ABCD2: variants seen among roughly 807,000 people sequenced by gnomAD.
ABCD2 encodes the protein ATP-binding cassette sub-family D member 2.
A neutral mutation model predicts 70.9 loss-of-function variants in ABCD2; 36 were observed. The ratio of observed to expected loss-of-function variants is 0.51; its 90% confidence interval spans 0.39 to 0.67. The LOEUF (loss-of-function observed/expected upper bound fraction) is 0.67. Among genes scored for constraint, ABCD2 ranks in the 30% least tolerant of loss-of-function variants. The pLI, the probability that ABCD2 is intolerant of heterozygous loss-of-function variation, is 0.00. For synonymous variants in ABCD2, 304 were observed against 306.9 expected (o/e 0.99, Z 0.10); for missense variants, 729 against 890.2 (o/e 0.82, Z 2.30).
chr12:39,534,677 GGGAAGGAAGGAAGGAAGGAAGGACGGAA>G, the ABCD2 span, among the ~76,000 whole-genome samples: 1 of 80,728 alleles, frequency 1.2e-5, no homozygotes, highest in Non-Finnish European at 2.2e-5. Context: ...AAGAGAGAGA[GGGAAGGAAGGAAGGAAGGAAGGACGGAA>G]GGAAGGAAGG....
downstream of ABCD2, among the ~76,000 whole-genome samples, chr12:39,549,202 TA>T (rs1941055769): frequency 6.6e-6 from 1 of 151,956 alleles, no homozygotes; most frequent in African/African-American, 2.4e-5. Flanking sequence ...TAGCCCAAGT[TA>T]AAGATCATGA....
At chr12:39,569,559 A>T (rs11830391) in intron 9 of ABCD2, among the ~76,000 whole-genome samples, 11,664 of 151,364 alleles carry the variant, frequency 0.077, 1,527 homozygotes, top group African/African-American at 0.27. Flanking sequence ...GAATTCCCTG[A>T]CCCCTTGTGC....
chr12:39,573,702 C>T lies in ABCD2; in HGVS notation c.2003+14G>A. 2 of 1,596,530 alleles carry T rather than the reference C, an allele frequency of 1.3e-6. No homozygotes were observed. The highest frequency in any genetic ancestry group is 1.7e-6 in the Non-Finnish European group (2 of 1,173,270). ...AAAAACCATCTACCACAAATTAGCA[C>T]TAGAAACACTTACCAAAGAGAAGGT... On this transcript the variant is annotated intron_variant, in intron 9 of 9. Coordinates refer to ENST00000308666, the MANE Select transcript of ABCD2 (RefSeq NM_005164.4).
chr12:39,548,647 G>A (rs540583702), downstream of ABCD2, among the ~76,000 whole-genome samples: 11 of 151,412 alleles, frequency 7.3e-5, no homozygotes, highest in African/African-American at 2.2e-4. Flanking sequence ...TACATTTGTA[G>A]GTCCAATGCA....
chr12:39,549,234 G>A (rs756489887), downstream of ABCD2, among the ~76,000 whole-genome samples: 1 of 151,954 alleles, frequency 6.6e-6, no homozygotes. Context: ...GCCCAAAAGT[G>A]TATTATTGAG....
At chr12:39,562,497 AAG>A (rs1309033869) in intron 9 of ABCD2, among the ~76,000 whole-genome samples, 6 of 152,106 alleles carry the variant, frequency 3.9e-5, no homozygotes, top group African/African-American at 1.2e-4. Context: ...GAGATTAAAA[AAG>A]AGAAATTATA....
chr12:39,600,350 C>T (rs1781920733), intron 6 of ABCD2, among the ~76,000 whole-genome samples: 1 of 151,952 alleles, frequency 6.6e-6, no homozygotes, highest in Admixed American at 6.6e-5. Flanking sequence ...GTATTTATTC[C>T]ATCTAGACAG....
At chr12:39,617,471 T>G (rs571205890) in intron 1 of ABCD2, among the ~76,000 whole-genome samples, 87 of 152,238 alleles carry the variant, frequency 5.7e-4, no homozygotes, top group Admixed American at 9.2e-4. Flanking sequence ...ATTAGAGCTT[T>G]GTCCTTGTTG....
intron 2 of ABCD2, among the ~76,000 whole-genome samples, chr12:39,609,816 C>T (rs1159908332): frequency 2.0e-5 from 3 of 152,036 alleles, no homozygotes; most frequent in Non-Finnish European, 4.4e-5. Flanking sequence ...GATACCTGCA[C>T]AATATGAGGT....
Position 39,586,317 on chromosome 12 carries a change from C to T in ABCD2, c.1647-20G>A. ...TATGGCCTTTAAAACACCAAGCACA[C>T]AAGAATCCTAGTGGAAAGTCATGAT... On this transcript the variant is annotated intron_variant, in intron 6 of 9. Coordinates refer to ENST00000308666, the MANE Select transcript of ABCD2 (RefSeq NM_005164.4). The T allele has an allele frequency of 6.2e-7, 1 of 1,600,218 alleles. No individual in the cohort carries two copies. Among genetic ancestry groups the T allele is most frequent in the South Asian group, 1.1e-5 (1 of 88,190 alleles).
At chr12:39,617,294 A>G (rs1942129449) in intron 1 of ABCD2, 126 bp from the exon 2 acceptor site, 8 of 542,194 alleles carry the variant, frequency 1.5e-5, no homozygotes, top group Non-Finnish European at 2.3e-5. Context: ...AGTATTAGTT[A>G]TTATTTAGTT....
intron 2 of ABCD2, among the ~76,000 whole-genome samples, chr12:39,616,527 T>C (rs1942116688): frequency 6.6e-6 from 1 of 152,110 alleles, no homozygotes; most frequent in Non-Finnish European, 1.5e-5. Context: ...TGCTTGCCCA[T>C]TGTAGTCAAT....
the ABCD2 span, among the ~76,000 whole-genome samples, chr12:39,538,438 G>C: frequency 6.6e-6 from 1 of 152,126 alleles, no homozygotes; most frequent in African/African-American, 2.4e-5. Flanking sequence ...GCCTCCCAAA[G>C]TGCTGGGATT....
At chr12:39,579,260 G>T (rs1420818476) in intron 8 of ABCD2, among the ~76,000 whole-genome samples, 1 of 152,218 alleles carries the variant, frequency 6.6e-6, no homozygotes, top group African/African-American at 2.4e-5. Flanking sequence ...TACTTGGGAG[G>T]CTGAGACAGG....
At chr12:39,579,864 A>G (rs963005610) in intron 7 of ABCD2, among the ~76,000 whole-genome samples, 1 of 151,796 alleles carries the variant, frequency 6.6e-6, no homozygotes, top group Admixed American at 6.6e-5. Context: ...CTAAACCCTG[A>G]CACTTTAAAA....
chr12:39,563,392 T>TAAAC (rs1003877194), intron 9 of ABCD2, among the ~76,000 whole-genome samples: 20 of 152,010 alleles, frequency 1.3e-4, no homozygotes, highest in African/African-American at 4.6e-4. Context: ...ACCCTGACTC[T>TAAAC]AAACAAACAA....
In ABCD2 at chr12:39,555,321, T is replaced by G. The variant is rs570789801; in HGVS notation, c.2004-1190A>C. 1.8e-4 allele frequency among the ~76,000 whole-genome samples: 28 copies of G among 152,284 alleles called. No individual in the cohort carries two copies. The South Asian group carries it at 5.8e-3, about 32-fold the overall frequency. On this transcript the variant is annotated intron_variant, in intron 9 of 9. Transcript: ENST00000308666. Reference sequence around the variant, plus strand: ...GCCTTTTGTGACTGACTTCTTTTACTTATACAAATGATTTCAACGCACAAA... The same window carrying G: ...GCCTTTTGTGACTGACTTCTTTTACGTATACAAATGATTTCAACGCACAAA...
At chr12:39,545,952 G>A (rs983014613), downstream of ABCD2, among the ~76,000 whole-genome samples, 1 of 152,092 alleles carries the variant, frequency 6.6e-6, no homozygotes, top group African/African-American at 2.4e-5. Context: ...CATTTATATA[G>A]TTATTGTAAT....
At chr12:39,555,591 A>G (rs1941152186) in intron 9 of ABCD2, among the ~76,000 whole-genome samples, 1 of 152,118 alleles carries the variant, frequency 6.6e-6, no homozygotes, top group African/African-American at 2.4e-5. Flanking sequence ...AGAGAGAAAT[A>G]CCATCTACTT....
Sources: allele counts gnomAD v4.1 joint callset (sites outside exome capture counted in the v4.1 genomes callset), GRCh38; gene constraint gnomAD v4.1.1; transcripts MANE v1.5; gene names NCBI Gene and HGNC (gene_info 2026-07-23, HGNC 2026-07-21).